The following DNAH8 variants were observed in gnomAD, a reference collection of about 807,000 sequenced individuals.
DNAH8 encodes the protein axonemal beta dynein heavy chain 8.
Under a neutral mutation model 562.1 loss-of-function variants are expected in DNAH8, and 382 were observed. That is an observed-to-expected ratio of 0.68 (90% CI 0.63 to 0.74). The LOEUF (loss-of-function observed/expected upper bound fraction) is 0.74. Among genes scored for constraint, DNAH8 ranks in the 30% least tolerant of loss-of-function variants. DNAH8 has a pLI of 0.00. For synonymous variants in DNAH8, 1,881 were observed against 1,919.4 expected, an observed-to-expected ratio of 0.98 and a Z score of 0.52; for missense variants, 5,203 against 5,620.4, an observed-to-expected ratio of 0.93 and a Z score of 2.37.
rs1308861071 is a variant in DNAH8 at position 38,789,824 on chromosome 6, G to A, written c.2605G>A (p.Glu869Lys). ...ACAGGGTCTTCTGCAATATTATGAT[G>A]AGTTATGTCAGGAAGTGCCTTCTGT... is the stretch of plus-strand genomic sequence containing the variant. The part of the protein sequence containing the change: ...YLQGLLQYYD[E>K]LCQEVPSVFV... Residue 869 changes from glutamate to lysine, a missense_variant, in exon 19 of 93, where the codon GAG (glutamate) becomes AAG (lysine). By Grantham distance (56) the Glu-to-Lys change is moderately conservative. Coordinates refer to ENST00000327475, the MANE Select transcript of DNAH8 (RefSeq NM_001206927.2). 6.2e-7 allele frequency: 1 copy of A among 1,612,134 alleles called. No individual in the cohort carries two copies. The highest frequency in any genetic ancestry group is 1.7e-5 in the Admixed American group (1 of 59,492).
rs778551218 is a variant in DNAH8, at chr6:38,722,921, A to T, written c.112A>T (p.Thr38Ser). 5.1e-5 allele frequency: 82 copies of T among 1,612,348 alleles called. No homozygotes were observed. The highest frequency in any genetic ancestry group is 6.8e-5 in the Non-Finnish European group (80 of 1,179,644). The change falls in exon 2 of 93, where the codon ACA (threonine) becomes TCA (serine). Residue 38 changes from threonine to serine, a missense_variant. Coordinates refer to ENST00000327475, the MANE Select transcript of DNAH8 (RefSeq NM_001206927.2). The stretch of plus-strand genomic sequence containing the variant: ...AGAGGAAGAGGCCCCGCGCCCTCCG[A>T]CAGTGGAGGCCCCGGCAGAAGATGG... ...SEEEEAPRPPTVEAPAEDGFS... is the reference protein window; with the variant it reads ...SEEEEAPRPPSVEAPAEDGFS...
At chr6:39,007,692 A>G (rs9470962) in intron 88 of DNAH8, among the ~76,000 whole-genome samples, 125,353 of 151,988 alleles carry the variant, frequency 0.82, 52,063 homozygotes, top group Middle Eastern at 0.88. Flanking sequence ...CTAGCTCACT[A>G]GCTCCAAGCT....
intron 49 of DNAH8, 96 bp downstream of exon 49, chr6:38,870,658 A>T: frequency 8.2e-7 from 1 of 1,215,850 alleles, no homozygotes. Flanking sequence ...TACTTGATGT[A>T]AATGTTAAAT....
At position 38,990,700 on chromosome 6, in the gene DNAH8, C is replaced by T. The variant is rs151079811; in HGVS notation, c.13214+528C>T. On this transcript the variant is annotated intron_variant, in intron 88 of 92. Coordinates refer to ENST00000327475, the MANE Select transcript of DNAH8 (RefSeq NM_001206927.2). ...GCAGTGCGGTGAGCACTTGAGTACC[C>T]GACACAGATGCACAGCCCCGGGAGG... 5.8e-4 allele frequency among the ~76,000 whole-genome samples: 88 copies of T among 152,236 alleles called. 1 individual carries two copies. In the East Asian group the frequency reaches 0.013, roughly 23 times the overall value.
chr6:38,878,991 A>T (rs1179223020), intron 53 of DNAH8, among the ~76,000 whole-genome samples: 1 of 152,116 alleles, frequency 6.6e-6, no homozygotes, highest in Admixed American at 6.5e-5. Flanking sequence ...TTCCCCATAA[A>T]TATATACAAT....
chr6:38,849,552 T>C (rs1583177180), intron 37 of DNAH8, among the ~76,000 whole-genome samples: 1 of 149,926 alleles, frequency 6.7e-6, no homozygotes, highest in Admixed American at 6.6e-5. Flanking sequence ...AAATCAAGGA[T>C]AAAAGAGGTT....
chr6:38,875,565 AT>A (rs781226635), intron 52 of DNAH8, 25 bp from the exon 53 acceptor site: 2 of 1,334,822 alleles, frequency 1.5e-6, no homozygotes, highest in Non-Finnish European at 2.0e-6. Flanking sequence ...TAATTTAAAA[AT>A]TTATTTTATT....
At chr6:38,931,749 G>T in intron 75 of DNAH8, 62 bp from the exon 76 acceptor site, 2 of 1,108,564 alleles carry the variant, frequency 1.8e-6, no homozygotes, top group Non-Finnish European at 2.5e-6. Flanking sequence ...TTTCTAAATT[G>T]AACCCAAGTT....
At chr6:38,774,864 A>G (rs768632469) in intron 12 of DNAH8, among the ~76,000 whole-genome samples, 8 of 152,178 alleles carry the variant, frequency 5.3e-5, no homozygotes, top group Non-Finnish European at 1.2e-4. Context: ...TATTTCCTCC[A>G]TGTTTGGAGT....
chr6:38,864,208 A>G (rs1776867580), intron 45 of DNAH8, 148 bp downstream of exon 45: 3 of 763,906 alleles, frequency 3.9e-6, no homozygotes, highest in Admixed American at 3.4e-5. Flanking sequence ...ATGTCATTAT[A>G]ACCCAGACAG....
intron 79 of DNAH8, among the ~76,000 whole-genome samples, chr6:38,939,196 A>G (rs955168648): frequency 6.6e-6 from 1 of 152,130 alleles, no homozygotes; most frequent in Non-Finnish European, 1.5e-5. Flanking sequence ...ACTCACCTGA[A>G]TATTGGTATT....
intron 82 of DNAH8, among the ~76,000 whole-genome samples, chr6:38,953,945 A>T (rs1019598224): frequency 6.6e-6 from 1 of 151,672 alleles, no homozygotes; most frequent in African/African-American, 2.4e-5. Flanking sequence ...CAGGAACCCC[A>T]CTTCAGTGAT....
In DNAH8 at chr6:38,838,041, A is replaced by C. The variant is rs1423279695; in HGVS notation, c.4465A>C (p.Arg1489=). The change falls in exon 33 of 93, where the codon AGA becomes CGA. Residue 1489 remains arginine (R), a splice_region_variant and synonymous_variant. Transcript: ENST00000327475. The stretch of plus-strand genomic sequence containing the variant: ...TGATTATGAGGTTTTACACAAAACC[A>C]GGTAAGTTTAGAAAATAAGCAAGTA... The part of the protein sequence containing the change: ...VTDYEVLHKT[R]KELNLLQKLY... 3.8e-6 allele frequency: 6 copies of C among 1,592,970 alleles called. No individual in the cohort carries two copies. Among genetic ancestry groups the C allele is most frequent in the Middle Eastern group, 1.7e-4 (1 of 6,028 alleles).
At position 38,867,231 on chromosome 6, in the gene DNAH8, A is replaced by ATGTGTGTGTGTGTGTG. The variant is rs70981595; in HGVS notation, c.6693+367_6693+382dup. ...GTTATACATGCACTGGTGTGTGTAT[A>ATGTGTGTGTGTGTGTG]TGTGTGTGTGTGTGTGTGTGTGTGT... is the stretch of plus-strand genomic sequence containing the variant. On this transcript the variant is annotated intron_variant, in intron 47 of 92. Transcript: ENST00000327475. Among the ~76,000 whole-genome samples the ATGTGTGTGTGTGTGTG allele has an allele frequency of 7.4e-5, 11 of 148,420 alleles. 1 individual carries two copies. The highest frequency in any genetic ancestry group is 2.5e-4 in the African/African-American group (10 of 40,168).
At position 38,773,306 on chromosome 6, in the gene DNAH8, G is replaced by A. The variant is rs147785557; in HGVS notation, c.1765-2448G>A. Among the ~76,000 whole-genome samples, 166 of 152,214 alleles carry A rather than the reference G, an allele frequency of 1.1e-3. 1 individual carries two copies. The highest frequency in any genetic ancestry group is 3.3e-3 in the African/African-American group (137 of 41,520). ...CAGAACCCTTGCCCACCTGGGTGTC[G>A]CTTTGAAATTTGTAGTTTCAGGACT... On this transcript the variant is annotated intron_variant, in intron 12 of 92. Coordinates refer to ENST00000327475, the MANE Select transcript of DNAH8 (RefSeq NM_001206927.2).
intron 11 of DNAH8, 112 bp downstream of exon 11, chr6:38,761,915 T>G: frequency 1.9e-6 from 1 of 536,788 alleles, no homozygotes; most frequent in Non-Finnish European, 3.3e-6. Flanking sequence ...CAGAGTAGTG[T>G]TGAGAATATA....
rs1178663044 is a variant in DNAH8, at chr6:38,921,375, C to T, written c.10531C>T (p.Leu3511=). The T allele has an allele frequency of 6.2e-7, 1 of 1,612,796 alleles. No individual in the cohort carries two copies. The highest frequency in any genetic ancestry group is 8.5e-7 in the Non-Finnish European group (1 of 1,179,592). ...CACGTCTTCTTCTTTTCAGGCCAAC[C>T]TGGCCAAGCAGGAAGGCCGGTTAGC... ...NREVLPLKAN[L]AKQEGRLAVA... The change falls in exon 71 of 93, where the codon CTG becomes TTG. Residue 3511 remains leucine, a synonymous_variant. Transcript: ENST00000327475.
intron 45 of DNAH8, among the ~76,000 whole-genome samples, chr6:38,864,661 A>G (rs1268552606): frequency 6.6e-6 from 1 of 151,780 alleles, no homozygotes; most frequent in Non-Finnish European, 1.5e-5. Flanking sequence ...CATTGGCTAA[A>G]GCAAGTTTCA....
chr6:38,723,642 A>C (rs1762960303), intron 3 of DNAH8, among the ~76,000 whole-genome samples, 171 bp downstream of exon 3: 1 of 152,166 alleles, frequency 6.6e-6, no homozygotes, highest in Non-Finnish European at 1.5e-5. Context: ...TGGGAGGCTG[A>C]GGTTTGGGGA....
Sources: gnomAD v4.1 joint callset for allele counts (sites outside exome capture counted in the v4.1 genomes callset) on GRCh38, gnomAD v4.1.1 for gene constraint, MANE v1.5 for transcripts, NCBI Gene and HGNC (gene_info 2026-07-23, HGNC 2026-07-21) for gene names.